The following B3GAT1 variants were observed in gnomAD, a reference collection of about 807,000 sequenced individuals.
B3GAT1 encodes the protein galactosylgalactosylxylosylprotein 3-beta-glucuronosyltransferase 1.
B3GAT1 carries 11 observed loss-of-function variants against 28.4 expected under a neutral mutation model. The ratio of observed to expected loss-of-function variants is 0.39; its 90% CI spans 0.24 to 0.64. The LOEUF (loss-of-function observed/expected upper bound fraction) is 0.64, where lower values mean the gene tolerates loss of function less well. Among genes scored for constraint, B3GAT1 ranks in the 30% least tolerant of loss-of-function variants. The pLI is 0.50. For synonymous variants in B3GAT1, 255 were observed against 223.1 expected (o/e 1.14, Z -1.27); for missense variants, 375 against 491.0 (o/e 0.76, Z 2.23).
In B3GAT1 at chr11:134,381,974, G is replaced by A. The variant is rs1429496504; in HGVS notation, c.969C>T (p.Gly323=). Residue 323 remains glycine (G), a synonymous_variant, in exon 5 of 6, where the codon GGC becomes GGT. Transcript: ENST00000312527. ...RTEKPVLVNE[G]KKGFTDPSVE... is the part of the protein sequence containing the mutation. ...CCGAGGGGTCAGTGAAGCCCTTCTT[G>A]CCCTCATTCACCAGCACTGGCTTCT... is the stretch of plus-strand genomic sequence containing the variant. 1.2e-6 allele frequency: 2 copies of A among 1,613,938 alleles called. No homozygotes were observed. The highest frequency in any genetic ancestry group is 1.7e-6 in the Non-Finnish European group (2 of 1,180,028).
At chr11:134,404,012 TATATATA>T (rs1944677305) in intron 1 of B3GAT1, among the ~76,000 whole-genome samples, 1 of 121,746 alleles carries the variant, frequency 8.2e-6, no homozygotes, top group African/African-American at 3.3e-5. Context: ...TATATATATA[TATATATA>T]TATATATATA....
In B3GAT1 at chr11:134,387,928, G is replaced by A. The variant is rs1478840547; in HGVS notation, c.-269C>T. 1 of 1,398,988 alleles carries A rather than the reference G, an allele frequency of 7.1e-7. No homozygotes were observed. The highest frequency in any genetic ancestry group is 2.9e-5 in the East Asian group (1 of 34,892). The allele number at this position is 1,398,988 out of a possible 1,614,324, so 86.7% of individuals were successfully genotyped here. ...TCCAGGGGCAGGGGTCAGGAACCCT[G>A]GGGGGTGGACACCTGCAAGAGAGAG... On this transcript the variant is annotated 5_prime_UTR_variant, in exon 2 of 6. It introduces an in-frame stop codon into an upstream open reading frame of the 5' UTR. Coordinates refer to ENST00000312527, the MANE Select transcript of B3GAT1 (RefSeq NM_054025.3).
In B3GAT1 at chr11:134,382,801, C is replaced by T. The variant is rs769534324; in HGVS notation, c.827G>A (p.Arg276Gln). The T allele has an allele frequency of 1.1e-5, 17 of 1,614,104 alleles. No individual in the cohort carries two copies. The highest frequency in any genetic ancestry group is 8.0e-5 in the African/African-American group (6 of 74,938). ...TTCCTGGTAGCCTCCCTTCACACCT[C>T]GCAGCTTGAAGTAGGCCTGGCTTCG... ...LQRSQAYFKLRGVKGGYQESS... is the reference protein window; with the variant it reads ...LQRSQAYFKLQGVKGGYQESS... The change falls in exon 4 of 6, where the codon CGA becomes CAA. Residue 276 changes from arginine (R) to glutamine (Q), a missense_variant. By Grantham distance (43) the Arg-to-Gln change is conservative. Coordinates refer to ENST00000312527, the MANE Select transcript of B3GAT1 (RefSeq NM_054025.3).
At chr11:134,388,742 T>C (rs1944349156) in intron 1 of B3GAT1, 1 of 152,224 alleles carries the variant, frequency 6.6e-6, no homozygotes, top group South Asian at 2.1e-4. Flanking sequence ...TTGCTCAGGA[T>C]AATGGCCTCC....
At chr11:134,407,736 C>CAAA (rs774068284) in intron 1 of B3GAT1, among the ~76,000 whole-genome samples, 1 of 132,362 alleles carries the variant, frequency 7.6e-6, no homozygotes, top group African/African-American at 2.7e-5. Flanking sequence ...GCTGTAGCTG[C>CAAA]AAAAAAAAAA....
Position 134,393,797 on chromosome 11 carries a change from C to T in B3GAT1, c.-281-5857G>A, listed in dbSNP as rs922480487. Among the ~76,000 whole-genome samples the T allele has an allele frequency of 6.6e-6, 1 of 152,248 alleles. No homozygotes were observed. The highest frequency in any genetic ancestry group is 2.1e-4 in the South Asian group (1 of 4,820). ...GCGCCGGTCAGTGTGCTGTGCGGAC[C>T]GGGTGCAGGACACCAACCTGCTGGT... On this transcript the variant is annotated intron_variant, in intron 1 of 5. Coordinates refer to ENST00000312527, the MANE Select transcript of B3GAT1 (RefSeq NM_054025.3). This position sits in a 1 kb window ranked among gnomAD's most constrained non-coding sequence, Gnocchi z 4.0.
chr11:134,390,992 G>A (rs1373473733), intron 1 of B3GAT1: 1 of 152,364 alleles, frequency 6.6e-6, no homozygotes, highest in Non-Finnish European at 1.5e-5. Context: ...CAGGAAGGAG[G>A]GGCGGGAAGG....
chr11:134,388,701 A>T (rs913200474), intron 1 of B3GAT1: 2 of 152,162 alleles, frequency 1.3e-5, no homozygotes, highest in African/African-American at 4.8e-5. Context: ...GTGAGAATGC[A>T]TCGTGTTTGG....
At chr11:134,396,302 T>C (rs777589911) in intron 1 of B3GAT1, among the ~76,000 whole-genome samples, 10 of 151,978 alleles carry the variant, frequency 6.6e-5, no homozygotes, top group Non-Finnish European at 1.2e-4. Context: ...AGATGGGCCA[T>C]GTCTGGCCCT....
At chr11:134,403,048 A>G (rs1413469235) in intron 1 of B3GAT1, among the ~76,000 whole-genome samples, 1 of 152,140 alleles carries the variant, frequency 6.6e-6, no homozygotes, top group African/African-American at 2.4e-5. Flanking sequence ...CCTCAGTCTC[A>G]GTGCCCCTGA....
chr11:134,385,890 A>T (rs191624211), intron 2 of B3GAT1: 2 of 152,356 alleles, frequency 1.3e-5, no homozygotes, highest in Admixed American at 1.3e-4. Context: ...ACAGAATGCC[A>T]AGTCCCCAGC....
At chr11:134,407,163 C>A (rs1022448460) in intron 1 of B3GAT1, among the ~76,000 whole-genome samples, 1 of 152,232 alleles carries the variant, frequency 6.6e-6, no homozygotes, top group Non-Finnish European at 1.5e-5. Flanking sequence ...GCCCCCCATG[C>A]CCAGTGTGGG....
intron 1 of B3GAT1, among the ~76,000 whole-genome samples, chr11:134,408,916 T>C (rs7938108): frequency 0.037 from 1,898 of 50,764 alleles, 56 homozygotes; most frequent in Middle Eastern, 0.052. Flanking sequence ...GGAGGTGGGA[T>C]AGCCTCCACC....
At chr11:134,385,739 G>A (rs1055578036) in intron 2 of B3GAT1, 7 of 152,318 alleles carry the variant, frequency 4.6e-5, no homozygotes, top group Admixed American at 6.5e-5. Flanking sequence ...ATTAGGGCAC[G>A]GCTACTGCGT....
intron 4 of B3GAT1, 45 bp downstream of exon 4, chr11:134,382,665 C>G: frequency 6.3e-7 from 1 of 1,586,492 alleles, no homozygotes; most frequent in Non-Finnish European, 8.6e-7. Context: ...TCTGGATGTA[C>G]TTGAGACATT....
At chr11:134,403,943 G>A (rs927609651) in intron 1 of B3GAT1, among the ~76,000 whole-genome samples, 12 of 136,576 alleles carry the variant, frequency 8.8e-5, no homozygotes, top group Non-Finnish European at 1.7e-4. Flanking sequence ...GGGATGTTGT[G>A]GAGAATGGGA....
intron 3 of B3GAT1, 83 bp from the exon 4 acceptor site, chr11:134,383,089 A>C: frequency 7.0e-7 from 1 of 1,418,860 alleles, no homozygotes; most frequent in Non-Finnish European, 9.4e-7. Flanking sequence ...GACATCCTTC[A>C]GCCACCTCTA....
chr11:134,398,233 G>A (rs1389023876), intron 1 of B3GAT1, among the ~76,000 whole-genome samples: 1 of 152,248 alleles, frequency 6.6e-6, no homozygotes, highest in Non-Finnish European at 1.5e-5. Context: ...TCACAGGCAC[G>A]TGTCTGCACG....
At chr11:134,402,970 G>A (rs1026544460) in intron 1 of B3GAT1, among the ~76,000 whole-genome samples, 2 of 151,942 alleles carry the variant, frequency 1.3e-5, no homozygotes, top group African/African-American at 4.8e-5. Context: ...CTGAGCACAT[G>A]TGTGAACCAG....
Sources: gnomAD v4.1 joint callset for allele counts (sites outside exome capture counted in the v4.1 genomes callset) on GRCh38, gnomAD v4.1.1 for gene constraint, Gnocchi (gnomAD v3.1) non-coding constraint, MANE v1.5 for transcripts, NCBI Gene and HGNC (gene_info 2026-07-23, HGNC 2026-07-21) for gene names.